WNK1: variants seen among roughly 807,000 people sequenced by gnomAD.
WNK1 encodes the protein serine/threonine-protein kinase WNK1.
In WNK1, 38 loss-of-function variants were observed where a neutral mutation model predicts 222.8. That is an observed-to-expected ratio of 0.17 (90% CI 0.13 to 0.22). The LOEUF is 0.22. WNK1 is among the 10% of genes least tolerant of loss of function. The probability of loss-of-function intolerance (pLI) is 1.00; values close to 1 mark genes in which losing one functional copy is unlikely to be tolerated. For synonymous variants in WNK1, 1,090 were observed against 1,092.9 expected (o/e 1.00, Z 0.05); for missense variants, 2,348 against 2,918.4 (o/e 0.80, Z 4.50).
At chr12:871,505 C>A (rs1231280901) in intron 9 of WNK1, among the ~76,000 whole-genome samples, 157 bp downstream of exon 9, 1 of 152,172 alleles carries the variant, frequency 6.6e-6, no homozygotes, top group Non-Finnish European at 1.5e-5. Context: ...AAAAAAGAGA[C>A]TTTTCTGTGT....
chr12:839,408 T>C (rs1591951474), intron 4 of WNK1, among the ~76,000 whole-genome samples: 2 of 152,274 alleles, frequency 1.3e-5, no homozygotes. Flanking sequence ...GACTAAATGT[T>C]GAAAACTCAG....
chr12:767,479 C>G (rs1941909583), intron 1 of WNK1, among the ~76,000 whole-genome samples: 1 of 151,728 alleles, frequency 6.6e-6, no homozygotes. Context: ...TCTCAAACTC[C>G]TGACCCCGTG....
At chr12:880,054 A>G in intron 11 of WNK1, 23 bp downstream of exon 11, 1 of 1,607,874 alleles carries the variant, frequency 6.2e-7, no homozygotes, top group Non-Finnish European at 8.5e-7. Flanking sequence ...TTAGCAAAAG[A>G]GGGCACCACA....
intron 2 of WNK1, among the ~76,000 whole-genome samples, chr12:815,843 T>C (rs1228532359): frequency 6.6e-6 from 1 of 152,226 alleles, no homozygotes. Flanking sequence ...AATAAGCCCC[T>C]GTGGAATGGC....
intron 1 of WNK1, among the ~76,000 whole-genome samples, chr12:790,493 G>A (rs1332348629): frequency 6.6e-6 from 1 of 152,166 alleles, no homozygotes; most frequent in Non-Finnish European, 1.5e-5. Flanking sequence ...GCCCTTGGTT[G>A]TCTATGGGTA....
chr12:808,206 A>G (rs80329747), intron 1 of WNK1, among the ~76,000 whole-genome samples: 2,283 of 152,234 alleles, frequency 0.015, 57 homozygotes, highest in African/African-American at 0.052. Flanking sequence ...AACTTTAAAA[A>G]TTTATGTGAA....
intron 1 of WNK1, among the ~76,000 whole-genome samples, chr12:782,320 T>C (rs1565421695): frequency 6.6e-6 from 1 of 152,204 alleles, no homozygotes; most frequent in African/African-American, 2.4e-5. Context: ...TAAGCTGTCC[T>C]GTAGTACATC....
At chr12:882,818 A>G (rs1592162395) in intron 14 of WNK1, 125 bp from the exon 15 acceptor site, 2 of 711,942 alleles carry the variant, frequency 2.8e-6, no homozygotes, top group East Asian at 5.3e-5. Flanking sequence ...TAGTGCTCCA[A>G]GGAACAGCGA....
At chr12:801,235 C>T (rs1408735553) in intron 1 of WNK1, among the ~76,000 whole-genome samples, 1 of 152,162 alleles carries the variant, frequency 6.6e-6, no homozygotes, top group African/African-American at 2.4e-5. Context: ...CTGCAGACTT[C>T]TTGAATGATA....
At chr12:808,870 T>C (rs1946639313) in intron 1 of WNK1, among the ~76,000 whole-genome samples, 1 of 151,670 alleles carries the variant, frequency 6.6e-6, no homozygotes, top group South Asian at 2.1e-4. Context: ...TTCAAGCGAT[T>C]CTCTGGCCTC....
intron 16 of WNK1, 47 bp from the exon 17 acceptor site, chr12:883,727 T>C: frequency 6.2e-7 from 1 of 1,611,450 alleles, no homozygotes; most frequent in South Asian, 1.1e-5. Flanking sequence ...TGCCTAGTCA[T>C]TGAGATTGCA....
At chr12:840,976 G>A (rs1441816986) in intron 4 of WNK1, among the ~76,000 whole-genome samples, 1 of 152,172 alleles carries the variant, frequency 6.6e-6, no homozygotes, top group African/African-American at 2.4e-5. Flanking sequence ...TTAAATGAAA[G>A]ATGTCTTTGA....
chr12:824,675 A>G (rs1370295217), intron 2 of WNK1, among the ~76,000 whole-genome samples: 2 of 151,316 alleles, frequency 1.3e-5, no homozygotes, highest in Non-Finnish European at 3.0e-5. Flanking sequence ...AGTTAAAAAA[A>G]AGAGAGAAGT....
rs1454330405 is a variant in WNK1, at chr12:885,351, C to T, written c.4547C>T (p.Pro1516Leu). The change falls in exon 19 of 28, where the codon CCT becomes CTT. Residue 1516 changes from proline to leucine, a missense_variant. Coordinates refer to ENST00000315939, the MANE Select transcript of WNK1 (RefSeq NM_018979.4). ...CIQLSSSTST[P>L]TLAETVVVSA... ...CAGCTTAGCAGCAGTACTTCTACTC[C>T]TACTTTAGCTGAAACCGTGGTAGTT... The T allele has an allele frequency of 6.2e-7, 1 of 1,613,914 alleles. No individual in the cohort carries two copies. Among genetic ancestry groups the T allele is most frequent in the African/African-American group, 1.3e-5 (1 of 74,920 alleles).
At chr12:901,624 G>A (rs1245792740) in intron 26 of WNK1, 4 of 1,289,100 alleles carry the variant, frequency 3.1e-6, no homozygotes, top group Admixed American at 2.3e-5. Context: ...AGGAGGACCC[G>A]ATTTCTGAGT....
chr12:865,857 T>C (rs1951621735), intron 8 of WNK1, among the ~76,000 whole-genome samples: 2 of 152,130 alleles, frequency 1.3e-5, no homozygotes, highest in African/African-American at 4.8e-5. Context: ...TTTATTTTAA[T>C]TTAATCATTT....
chr12:789,952 T>C (rs1944682291), intron 1 of WNK1, among the ~76,000 whole-genome samples: 1 of 152,256 alleles, frequency 6.6e-6, no homozygotes, highest in Admixed American at 6.5e-5. Flanking sequence ...CACATGGCTT[T>C]GTCTAGATCA....
chr12:830,740 G>T (rs528447666), intron 4 of WNK1, among the ~76,000 whole-genome samples: 1 of 152,136 alleles, frequency 6.6e-6, no homozygotes, highest in Non-Finnish European at 1.5e-5. Context: ...ATCACTACAT[G>T]CTTCATTATG....
chr12:880,498 G>A (rs72649898), intron 11 of WNK1, among the ~76,000 whole-genome samples: 143 of 152,246 alleles, frequency 9.4e-4, no homozygotes, highest in African/African-American at 3.4e-3. Context: ...GAAGATAACC[G>A]ACAATAAAGT....
Sources: allele counts gnomAD v4.1 joint callset (sites outside exome capture counted in the v4.1 genomes callset), GRCh38; gene constraint gnomAD v4.1.1; transcripts MANE v1.5; gene names NCBI Gene and HGNC (gene_info 2026-07-23, HGNC 2026-07-21).